COL26A1: variants seen among roughly 807,000 people sequenced by gnomAD.
COL26A1 encodes collagen type XXVI alpha 1 chain.
COL26A1 carries 41 observed loss-of-function variants against 59.3 expected under a neutral mutation model. The observed-to-expected ratio is 0.69, with a 90% CI of 0.54 to 0.90. COL26A1 has a LOEUF of 0.90. COL26A1 is among the 40% of genes least tolerant of loss of function. The pLI is 0.00. For synonymous variants in COL26A1, 266 were observed against 256.0 expected (o/e 1.04, Z -0.37); for missense variants, 612 against 602.3 (o/e 1.02, Z -0.17).
intron 1 of COL26A1, among the ~76,000 whole-genome samples, chr7:101,385,593 A>G (rs1164942554): frequency 6.6e-6 from 1 of 151,714 alleles, no homozygotes; most frequent in Non-Finnish European, 1.5e-5. Context: ...CTGGTCTCGA[A>G]CTCCTGACCT....
chr7:101,535,075 C>G (rs1795453552), intron 4 of COL26A1, among the ~76,000 whole-genome samples: 1 of 152,242 alleles, frequency 6.6e-6, no homozygotes, highest in African/African-American at 2.4e-5. Flanking sequence ...CGCGGCTTCC[C>G]TTGTCCTCCA....
chr7:101,525,923 G>A (rs190441195), intron 3 of COL26A1, among the ~76,000 whole-genome samples: 233 of 152,312 alleles, frequency 1.5e-3, no homozygotes, highest in Non-Finnish European at 3.0e-3. Flanking sequence ...CCTCTCAATG[G>A]GATTTTGATA....
At chr7:101,476,880 G>C in intron 3 of COL26A1, among the ~76,000 whole-genome samples, 1 of 146,812 alleles carries the variant, frequency 6.8e-6, no homozygotes, top group Non-Finnish European at 1.5e-5. Context: ...ATCTTGCTCT[G>C]TTGCCCAGGC....
chr7:101,471,746 A>G (rs956086832), intron 3 of COL26A1, among the ~76,000 whole-genome samples: 1 of 151,390 alleles, frequency 6.6e-6, no homozygotes, highest in African/African-American at 2.4e-5. Flanking sequence ...TGCCTGGCTC[A>G]TTTTTGTATT....
intron 3 of COL26A1, among the ~76,000 whole-genome samples, chr7:101,517,841 T>G (rs1795063857): frequency 7.9e-6 from 1 of 126,756 alleles, no homozygotes; most frequent in Non-Finnish European, 1.6e-5. Context: ...TGAGATGAGG[T>G]CTTGCTCTGT....
chr7:101,525,319 C>G (rs1795220387), intron 3 of COL26A1, among the ~76,000 whole-genome samples: 1 of 150,886 alleles, frequency 6.6e-6, no homozygotes, highest in African/African-American at 2.4e-5. Flanking sequence ...GTAGCTGGGA[C>G]TACAGGCGTG....
At chr7:101,392,787 C>T (rs944687921) in intron 1 of COL26A1, among the ~76,000 whole-genome samples, 15 of 152,030 alleles carry the variant, frequency 9.9e-5, no homozygotes, top group African/African-American at 3.6e-4. Flanking sequence ...TGAAATGTGC[C>T]TCCCTCCACC....
chr7:101,548,303 G>A (rs568822701), intron 8 of COL26A1, among the ~76,000 whole-genome samples: 212 of 152,226 alleles, frequency 1.4e-3, no homozygotes, highest in African/African-American at 4.7e-3. Flanking sequence ...CCCTGGGCCC[G>A]TGTGGGGTCA....
chr7:101,460,763 A>AGAGAGAGACTCCATCTCAG (rs1491255723), intron 3 of COL26A1, among the ~76,000 whole-genome samples: 1 of 150,928 alleles, frequency 6.6e-6, no homozygotes, highest in African/African-American at 2.4e-5. Flanking sequence ...CCTGGGTGAT[A>AGAGAGAGACTCCATCTCAG]GAGAGAGACT....
chr7:101,494,487 C>T (rs905913309), intron 3 of COL26A1, among the ~76,000 whole-genome samples: 8 of 152,190 alleles, frequency 5.3e-5, no homozygotes. Context: ...TGCTAAATCG[C>T]AGTTTGGTGA....
At chr7:101,413,451 G>A (rs28653709) in intron 1 of COL26A1, among the ~76,000 whole-genome samples, 15,619 of 151,766 alleles carry the variant, frequency 0.1, 1,197 homozygotes, top group African/African-American at 0.22. Context: ...CCCAGGAGGC[G>A]GAGGCTGTAA....
rs944161682 is a variant in COL26A1 at position 101,400,511 on chromosome 7, G to A, written c.159-19466G>A. ...TGAGTAGCTGGGATTGCAGGTGCCC[G>A]CCACCACTCCTGGCTAATTTTTGTA... On this transcript the variant is annotated intron_variant, in intron 1 of 12. Coordinates refer to ENST00000313669, the MANE Select transcript of COL26A1 (RefSeq NM_001278563.3). 4.6e-5 allele frequency among the ~76,000 whole-genome samples: 7 copies of A among 150,798 alleles called. No homozygotes were observed. In the South Asian group the frequency reaches 6.3e-4, roughly 14 times the overall value.
chr7:101,385,213 T>C (rs1242874814), intron 1 of COL26A1, among the ~76,000 whole-genome samples: 4 of 142,498 alleles, frequency 2.8e-5, no homozygotes, highest in Admixed American at 7.1e-5. Flanking sequence ...ACACTATATA[T>C]ACACACACAC....
intron 3 of COL26A1, among the ~76,000 whole-genome samples, chr7:101,471,494 A>G (rs1793898709): frequency 6.6e-6 from 1 of 151,762 alleles, no homozygotes; most frequent in South Asian, 2.1e-4. Context: ...GAAGGAATAC[A>G]CTCACGTCAA....
intron 1 of COL26A1, among the ~76,000 whole-genome samples, chr7:101,382,204 A>G (rs10272839): frequency 0.074 from 11,266 of 151,920 alleles, 993 homozygotes; most frequent in African/African-American, 0.21. Context: ...GCATGCTACC[A>G]TATCTGGTCA....
intron 3 of COL26A1, among the ~76,000 whole-genome samples, chr7:101,487,901 T>C (rs941921198): frequency 2.6e-5 from 4 of 152,296 alleles, no homozygotes; most frequent in African/African-American, 9.6e-5. Context: ...TTTATTTTGT[T>C]ATAGAGATGG....
In COL26A1 at chr7:101,406,831, T is replaced by C. The variant is rs192342979; in HGVS notation, c.159-13146T>C. Among the ~76,000 whole-genome samples, 18 of 152,154 alleles carry C rather than the reference T, an allele frequency of 1.2e-4. No homozygotes were observed. The East Asian group carries it at 3.5e-3, about 29-fold the overall frequency. ...TGGGCATGGTGGCACGCACTTGTAG[T>C]CCCAGCTACTTGAGAGGCTGAGGCA... On this transcript the variant is annotated intron_variant, in intron 1 of 12. Transcript: ENST00000313669.
In COL26A1 at chr7:101,488,349, A is replaced by AATTTATAT. The variant is rs1491342922; in HGVS notation, c.385+40564_385+40565insTTATATAT. Among the ~76,000 whole-genome samples the AATTTATAT allele has an allele frequency of 7.7e-3, 804 of 104,918 alleles. 9 individuals are homozygous for AATTTATAT. Among genetic ancestry groups the AATTTATAT allele is most frequent in the African/African-American group, 0.031 (740 of 24,030 alleles). 68.8% of individuals were successfully genotyped at this position (104,918 alleles called of 152,430 possible). A position where few individuals can be genotyped will look rare whatever the true frequency, so the allele number is the denominator to read the frequency against. ...TTTTAATCCGTTTTTAATTTTATTT[A>AATTTATAT]ATATATATATATATATATATATATA... On this transcript the variant is annotated intron_variant, in intron 3 of 12. Transcript: ENST00000313669.
chr7:101,430,354 T>C (rs114882622), intron 2 of COL26A1, among the ~76,000 whole-genome samples: 1 of 152,000 alleles, frequency 6.6e-6, no homozygotes, highest in Admixed American at 6.6e-5. Flanking sequence ...AGTGGCGCGA[T>C]CTCAGCTCAC....
Sources: gnomAD v4.1 joint callset for allele counts (sites outside exome capture counted in the v4.1 genomes callset) on GRCh38, gnomAD v4.1.1 for gene constraint, MANE v1.5 for transcripts, NCBI Gene and HGNC (gene_info 2026-07-23, HGNC 2026-07-21) for gene names.